Variants in OBSL1 observed in about 807,000 individuals in gnomAD.
OBSL1 encodes obscurin-like protein 1.
OBSL1 carries 160 observed loss-of-function variants against 172.0 expected under a neutral mutation model. That is an observed-to-expected ratio of 0.93 (90% confidence interval 0.82 to 1.06). The LOEUF (loss-of-function observed/expected upper bound fraction) is 1.06, where lower values mean the gene tolerates loss of function less well. Among genes scored for constraint, OBSL1 ranks in the 50% least tolerant of loss-of-function variants. The probability of loss-of-function intolerance (pLI) is 0.00; values close to 1 mark genes in which losing one functional copy is unlikely to be tolerated. For synonymous variants in OBSL1, 1,200 were observed against 1,196.3 expected, an observed-to-expected ratio of 1.00 and a Z score of -0.06; for missense variants, 2,681 against 2,715.4, an observed-to-expected ratio of 0.99 and a Z score of 0.28.
At position 219,571,068 on chromosome 2, in the gene OBSL1, C is replaced by A; in HGVS notation, c.165G>T (p.Ser55=). 6.8e-7 allele frequency: 1 copy of A among 1,465,512 alleles called. No individual in the cohort carries two copies. Among genetic ancestry groups the A allele is most frequent in the South Asian group, 1.3e-5 (1 of 77,242 alleles). The allele number at this position is 1,465,512 out of a possible 1,614,324, so 90.8% of individuals were successfully genotyped here. The change falls in exon 1 of 21, where the codon TCG becomes TCT. Residue 55 remains serine (S), a synonymous_variant. Coordinates refer to ENST00000404537, the MANE Select transcript of OBSL1 (RefSeq NM_015311.3). ...CGTCCGCCGGGAAGCTCAGGCGTTC[C>A]GAGGCCGCCAGCTGCTGCCCGCCCT... ...WEKGGQQLAA[S]ERLSFPADGA...
chr2:219,551,510 C>T lies in OBSL1; in HGVS notation c.5683+19G>A. On this transcript the variant is annotated intron_variant, in intron 20 of 20. Coordinates refer to ENST00000404537, the MANE Select transcript of OBSL1 (RefSeq NM_015311.3). ...AGGCGCCCTCACCCTCCTGCCGCTGCCCAGTTGGCTTTACTCACCCTCTAC... is the reference window on the plus strand; with the variant it reads ...AGGCGCCCTCACCCTCCTGCCGCTGTCCAGTTGGCTTTACTCACCCTCTAC... 3 of 1,562,478 alleles carry T rather than the reference C, an allele frequency of 1.9e-6. No homozygotes were observed. Among genetic ancestry groups the T allele is most frequent in the Non-Finnish European group, 8.7e-7 (1 of 1,151,134 alleles).
At chr2:219,549,137 C>T (rs1487257365), downstream of OBSL1, 1 of 1,613,670 alleles carries the variant, frequency 6.2e-7, no homozygotes, top group Non-Finnish European at 8.5e-7. Context: ...TCCTTCTCTA[C>T]CCATCCCACC....
rs115822311 is a variant in OBSL1 at position 219,562,224 on chromosome 2, G to A, written c.2953+178C>T. On this transcript the variant is annotated intron_variant, in intron 8 of 20. Coordinates refer to ENST00000404537, the MANE Select transcript of OBSL1 (RefSeq NM_015311.3). ...AGAGCTAGGCCTGGCCTTGGGCACC[G>A]GGGAGGGGCTTGTTTCCTTGAATAG... is the stretch of plus-strand genomic sequence containing the variant. Among the ~76,000 whole-genome samples, 536 of 152,274 alleles carry A rather than the reference G, an allele frequency of 3.5e-3. 4 individuals carry two copies. Among genetic ancestry groups the A allele is most frequent in the Non-Finnish European group, 4.5e-3 (303 of 68,018 alleles).
chr2:219,567,038 G>T lies in OBSL1; in HGVS notation c.1926C>A (p.Ile642=), dbSNP rs573091052. Reference sequence around the variant, plus strand: ...CATTAAGGAACCAGGTACCCTGGATGATGGTGGAGAGATCGAGGGAGAAGA... The same window carrying T: ...CATTAAGGAACCAGGTACCCTGGATTATGGTGGAGAGATCGAGGGAGAAGA... ...DAVFSLDLST[I]IQGTWFLNGE... Residue 642 remains isoleucine, a synonymous_variant, in exon 5 of 21, where the codon ATC becomes ATA. Coordinates refer to ENST00000404537, the MANE Select transcript of OBSL1 (RefSeq NM_015311.3). 2.5e-6 allele frequency: 4 copies of T among 1,613,544 alleles called. No homozygotes were observed. Among genetic ancestry groups the T allele is most frequent in the Admixed American group, 1.7e-5 (1 of 60,018 alleles).
Position 219,554,707 on chromosome 2 carries a change from TC to T in OBSL1, c.4642del (p.Asp1548ThrfsTer2), listed in dbSNP as rs2106017606. On this transcript the variant is annotated frameshift_variant, in exon 15 of 21. Coordinates refer to ENST00000404537, the MANE Select transcript of OBSL1 (RefSeq NM_015311.3). LOFTEE classifies it high-confidence loss of function. Reference protein sequence around the residue: ...RQLRVLRPLEDVTISEGGSAT... With the variant: ...RQLRVLRPLEXVTISEGGSAT... Reference sequence around the variant, plus strand: ...ACTGCCCCCCTCACTGATGGTCACGTCCTCCAGAGGCCGCAGCACCCTCAGC... The same window carrying T: ...ACTGCCCCCCTCACTGATGGTCACGTCTCCAGAGGCCGCAGCACCCTCAGC... 6.4e-7 allele frequency: 1 copy of T among 1,573,242 alleles called. No homozygotes were observed. The highest frequency in any genetic ancestry group is 8.6e-7 in the Non-Finnish European group (1 of 1,159,016).
At chr2:219,547,355 T>G, downstream of OBSL1, 1 of 585,706 alleles carries the variant, frequency 1.7e-6, no homozygotes, top group Non-Finnish European at 2.7e-6. Flanking sequence ...CCATCACTGA[T>G]GCCGTCATGA....
At chr2:219,549,146 C>T, downstream of OBSL1, 1 of 1,613,778 alleles carries the variant, frequency 6.2e-7, no homozygotes, top group Non-Finnish European at 8.5e-7. Context: ...ACCCATCCCA[C>T]CACAGTGGTC....
intron 15 of OBSL1, 119 bp from the exon 16 acceptor site, chr2:219,553,805 C>T (rs1028830230): frequency 2.0e-5 from 6 of 296,230 alleles, no homozygotes; most frequent in Admixed American, 8.2e-5. Context: ...GAGTGGGGTT[C>T]GAGCTGGGAC....
rs1458035160 is a variant in OBSL1 at position 219,568,794 on chromosome 2, G to C, written c.1013-470C>G. Among the ~76,000 whole-genome samples the C allele has an allele frequency of 6.6e-6, 1 of 151,758 alleles. No individual in the cohort carries two copies. The highest frequency in any genetic ancestry group is 1.9e-4 in the East Asian group (1 of 5,178). ...GAGTCTCGCTCTGTTGCCCAGGCTGGAGTGCAGTCGCGCAATCTCGGCTCA... is the reference window on the plus strand; with the variant it reads ...GAGTCTCGCTCTGTTGCCCAGGCTGCAGTGCAGTCGCGCAATCTCGGCTCA... On this transcript the variant is annotated intron_variant, in intron 1 of 20. Transcript: ENST00000404537. This position sits in a 1 kb window ranked among gnomAD's most constrained non-coding sequence, Gnocchi z 4.1.
At chr2:219,549,366 G>A (rs753485027), downstream of OBSL1, 34 of 1,605,854 alleles carry the variant, frequency 2.1e-5, no homozygotes, top group East Asian at 6.9e-4. Context: ...TGAGCTCCCT[G>A]AGCCCATCCA....
In OBSL1 at chr2:219,567,412, G is replaced by A. The variant is rs779757870; in HGVS notation, c.1698C>T (p.Cys566=). 2.9e-5 allele frequency: 46 copies of A among 1,613,076 alleles called. No individual in the cohort carries two copies. The highest frequency in any genetic ancestry group is 3.6e-5 in the Non-Finnish European group (42 of 1,179,588). ...QEVGSEDWIQ[C]FSIEKAGAVE... ...CGGCTCCGGCTTTCTCGATGCTGAA[G>A]CACTGAATCCAGTCTTCAGAGCCCA... The change falls in exon 4 of 21, where the codon TGC becomes TGT. Residue 566 remains cysteine, a synonymous_variant. Transcript: ENST00000404537.
chr2:219,550,828 G>C lies in OBSL1; in HGVS notation c.*7C>G. 1 of 1,611,678 alleles carries C rather than the reference G, an allele frequency of 6.2e-7. No individual in the cohort carries two copies. Among genetic ancestry groups the C allele is most frequent in the Non-Finnish European group, 8.5e-7 (1 of 1,178,984 alleles). On this transcript the variant is annotated 3_prime_UTR_variant, in exon 21 of 21. Coordinates refer to ENST00000404537, the MANE Select transcript of OBSL1 (RefSeq NM_015311.3). ...CAAGGGCACCCGCCTGGCCTGGTTA[G>C]GTTCTCCTAGTTGCCTGCAGAGGAA...
chr2:219,558,547 G>T, intron 9 of OBSL1, 88 bp from the exon 10 acceptor site: 1 of 1,408,444 alleles, frequency 7.1e-7, no homozygotes, highest in Non-Finnish European at 9.5e-7. Context: ...CTCCCCACTG[G>T]CAGCACAGCT....
intron 9 of OBSL1, chr2:219,558,956 A>T (rs1284794390): frequency 2.1e-6 from 1 of 485,824 alleles, no homozygotes; most frequent in Non-Finnish European, 3.6e-6. Context: ...CTGTATCCCC[A>T]GCATCTAAAA....
chr2:219,551,625 G>C lies in OBSL1; in HGVS notation c.5587C>G (p.His1863Asp). 1.2e-6 allele frequency: 2 copies of C among 1,611,692 alleles called. No homozygotes were observed. The highest frequency in any genetic ancestry group is 1.7e-6 in the Non-Finnish European group (2 of 1,179,042). ...KYEMRSHGPT[H>D]SLVIHDVRPE... The stretch of plus-strand genomic sequence containing the variant: ...CGAACGTCATGGATGACCAGGCTGT[G>C]GGTGGGGCCGTGGCTGCGCATCTCA... The change falls in exon 20 of 21, where the codon CAC (histidine) becomes GAC (aspartate). Residue 1863 changes from histidine to aspartate, a missense_variant. His to Asp is a moderately conservative substitution (Grantham distance 81, BLOSUM62 -1). Coordinates refer to ENST00000404537, the MANE Select transcript of OBSL1 (RefSeq NM_015311.3).
chr2:219,554,338 G>A, intron 15 of OBSL1, 136 bp downstream of exon 15: 1 of 1,072,342 alleles, frequency 9.3e-7, no homozygotes, highest in Non-Finnish European at 1.4e-6. Flanking sequence ...ATCACACTCT[G>A]GCAGGGATGT....
At chr2:219,551,103 G>A (rs1354802685) in intron 20 of OBSL1, 5 of 1,411,104 alleles carry the variant, frequency 3.5e-6, no homozygotes, top group South Asian at 1.6e-5. Context: ...AAAGAAAGAG[G>A]CTTCTGCCAA....
chr2:219,547,480 C>T (rs766617139), downstream of OBSL1: 3 of 1,395,954 alleles, frequency 2.1e-6, no homozygotes, highest in African/African-American at 3.0e-5. Context: ...CATCTTGGCC[C>T]CTCACTAGCC....
In OBSL1 at chr2:219,570,710, T is replaced by A; in HGVS notation, c.523A>T (p.Ser175Cys). Residue 175 changes from serine (S) to cysteine (C), a missense_variant, in exon 1 of 21, where the codon AGC (serine) becomes TGC (cysteine). Coordinates refer to ENST00000404537, the MANE Select transcript of OBSL1 (RefSeq NM_015311.3). ...CGGCCCGGCTGGAGCGCGAAGTGGCTGCTGTCCCACACTTCGTCCAGGGCC... is the reference window on the plus strand; with the variant it reads ...CGGCCCGGCTGGAGCGCGAAGTGGCAGCTGTCCCACACTTCGTCCAGGGCC... ...GMALDEVWDS[S>C]HFALQPGRAE... The A allele has an allele frequency of 6.6e-7, 1 of 1,510,478 alleles. No homozygotes were observed. The highest frequency in any genetic ancestry group is 8.8e-7 in the Non-Finnish European group (1 of 1,136,060). The allele number at this position is 1,510,478 out of a possible 1,614,324, so 93.6% of individuals were successfully genotyped here.
Sources: gnomAD v4.1 joint callset for allele counts (sites outside exome capture counted in the v4.1 genomes callset) on GRCh38, gnomAD v4.1.1 for gene constraint, Gnocchi (gnomAD v3.1) non-coding constraint, MANE v1.5 for transcripts, NCBI Gene and HGNC (gene_info 2026-07-23, HGNC 2026-07-21) for gene names.